The following KCNIP4 variants were observed in gnomAD, a reference collection of about 807,000 sequenced individuals.
The protein encoded by KCNIP4 is Kv channel-interacting protein 4.
KCNIP4 carries 12 observed loss-of-function variants against 34.0 expected under a neutral mutation model. The ratio of observed to expected loss-of-function variants is 0.35; its 90% CI spans 0.23 to 0.57. The LOEUF (loss-of-function observed/expected upper bound fraction) is 0.57, where lower values mean the gene tolerates loss of function less well. Ranked by LOEUF, KCNIP4 falls within the 20% of genes least tolerant of loss-of-function variation. KCNIP4 has a pLI of 0.83. For missense variants in KCNIP4, 238 were observed against 311.7 expected (o/e 0.76, Z 1.78); for synonymous variants, 124 against 102.2 (o/e 1.21, Z -1.29).
intron 1 of KCNIP4, among the ~76,000 whole-genome samples, chr4:21,676,913 G>T (rs572145751): frequency 4.6e-4 from 70 of 150,962 alleles, no homozygotes; most frequent in South Asian, 6.3e-4. Context: ...AAAGGAAAGA[G>T]CAAAAATATC....
chr4:21,734,636 A>T, intron 1 of KCNIP4, among the ~76,000 whole-genome samples: 1 of 152,224 alleles, frequency 6.6e-6, no homozygotes, highest in East Asian at 1.9e-4. Flanking sequence ...TGCTATCTTT[A>T]AACACTTGAC....
chr4:21,516,854 T>G (rs1367037612), intron 1 of KCNIP4, among the ~76,000 whole-genome samples: 1 of 152,106 alleles, frequency 6.6e-6, no homozygotes, highest in African/African-American at 2.4e-5. Flanking sequence ...AAATTCTATC[T>G]GGGAAGAGTT....
intron 1 of KCNIP4, among the ~76,000 whole-genome samples, chr4:21,666,136 T>C (rs1156572255): frequency 6.6e-6 from 1 of 152,196 alleles, no homozygotes; most frequent in Non-Finnish European, 1.5e-5. Context: ...AGAAGTTACC[T>C]GAAAGAGAAT....
chr4:21,630,225 G>A (rs1745652687), intron 1 of KCNIP4, among the ~76,000 whole-genome samples: 1 of 151,684 alleles, frequency 6.6e-6, no homozygotes, highest in African/African-American at 2.4e-5. Context: ...CCAGCACTTT[G>A]GGAGGCCAAG....
intron 1 of KCNIP4, among the ~76,000 whole-genome samples, chr4:21,540,460 C>A (rs1209485030): frequency 6.6e-6 from 1 of 152,120 alleles, no homozygotes; most frequent in Non-Finnish European, 1.5e-5. Flanking sequence ...CAGGAGAATA[C>A]GTACAAGAGA....
intron 1 of KCNIP4, among the ~76,000 whole-genome samples, chr4:21,042,702 G>A (rs371028454): frequency 9.9e-5 from 15 of 152,114 alleles, no homozygotes; most frequent in African/African-American, 3.1e-4. Context: ...ATCTCATCAC[G>A]AAGAAATGAT....
At chr4:21,348,548 T>C (rs1410231381) in intron 1 of KCNIP4, among the ~76,000 whole-genome samples, 2 of 152,130 alleles carry the variant, frequency 1.3e-5, no homozygotes, top group African/African-American at 2.4e-5. Context: ...AGTCTCCCCC[T>C]GAAGACAACC....
chr4:20,819,498 T>TAGC (rs1716840753), intron 3 of KCNIP4, among the ~76,000 whole-genome samples: 1 of 152,100 alleles, frequency 6.6e-6, no homozygotes, highest in Non-Finnish European at 1.5e-5. Context: ...TATCTGAGAC[T>TAGC]TGGAATAATA....
At chr4:20,750,985 C>T (rs1753515456) in intron 4 of KCNIP4, among the ~76,000 whole-genome samples, 1 of 152,060 alleles carries the variant, frequency 6.6e-6, no homozygotes, top group African/African-American at 2.4e-5. Flanking sequence ...ACAGAATTGC[C>T]CTCTGAGGAG....
intron 1 of KCNIP4, among the ~76,000 whole-genome samples, chr4:21,560,095 G>A (rs1284786318): frequency 6.6e-6 from 1 of 151,906 alleles, no homozygotes; most frequent in East Asian, 1.9e-4. Context: ...TCTCCCCCTG[G>A]AGAACTAATT....
At chr4:21,699,029 A>T (rs953564187) in intron 1 of KCNIP4, among the ~76,000 whole-genome samples, 5 of 152,220 alleles carry the variant, frequency 3.3e-5, no homozygotes, top group African/African-American at 1.2e-4. Context: ...CTCATACACA[A>T]AAATCAGCAA....
chr4:21,685,489 C>T (rs747631863), intron 1 of KCNIP4, among the ~76,000 whole-genome samples: 10 of 152,112 alleles, frequency 6.6e-5, no homozygotes, highest in Non-Finnish European at 1.5e-4. Context: ...TCTACCCCAC[C>T]AAGCCACCAC....
chr4:21,626,687 A>G (rs1419325404), intron 1 of KCNIP4, among the ~76,000 whole-genome samples: 1 of 152,140 alleles, frequency 6.6e-6, no homozygotes, highest in African/African-American at 2.4e-5. Flanking sequence ...CAAGCTGTGT[A>G]GACAACCCTT....
At position 21,594,032 on chromosome 4, in the gene KCNIP4, T is replaced by C. The variant is rs141015905; in HGVS notation, c.61+354539A>G. The stretch of plus-strand genomic sequence containing the variant: ...TTGGGGCCTGCATGTATGTAGGAAA[T>C]GGAGCTAGGAAATGAGACTTGTGAA... On this transcript the variant is annotated intron_variant, in intron 1 of 8. Transcript: ENST00000382152. 9.3e-4 allele frequency among the ~76,000 whole-genome samples: 142 copies of C among 152,042 alleles called. No individual in the cohort carries two copies. In the East Asian group the frequency reaches 0.026, roughly 28 times the overall value.
At chr4:21,088,069 G>A (rs1187500520) in intron 1 of KCNIP4, among the ~76,000 whole-genome samples, 1 of 152,074 alleles carries the variant, frequency 6.6e-6, no homozygotes, top group Non-Finnish European at 1.5e-5. Context: ...AATGTGTACT[G>A]AGATGTCTCA....
intron 1 of KCNIP4, among the ~76,000 whole-genome samples, chr4:21,109,381 C>T (rs1748928363): frequency 6.6e-6 from 1 of 152,252 alleles, no homozygotes; most frequent in African/African-American, 2.4e-5. Flanking sequence ...CAGTGAGACT[C>T]CTTGGGTGTA....
At chr4:21,832,802 CA>C (rs1424613012) in intron 1 of KCNIP4, among the ~76,000 whole-genome samples, 47 of 144,118 alleles carry the variant, frequency 3.3e-4, no homozygotes, top group African/African-American at 1.1e-3. Context: ...CATGGGTTCT[CA>C]TTGTTCAATT....
intron 1 of KCNIP4, among the ~76,000 whole-genome samples, chr4:21,066,335 T>C (rs554453253): frequency 3.9e-5 from 6 of 152,224 alleles, no homozygotes; most frequent in African/African-American, 1.2e-4. Flanking sequence ...CCAGCAATTA[T>C]CTCTCTTCTG....
chr4:20,934,702 A>C (rs1730865288), intron 1 of KCNIP4, among the ~76,000 whole-genome samples: 1 of 152,252 alleles, frequency 6.6e-6, no homozygotes. Flanking sequence ...ATAAACAAAA[A>C]ATAAGTAAAA....
Sources: gnomAD v4.1 joint callset for allele counts (sites outside exome capture counted in the v4.1 genomes callset) on GRCh38, gnomAD v4.1.1 for gene constraint, MANE v1.5 for transcripts, NCBI Gene and HGNC (gene_info 2026-07-23, HGNC 2026-07-21) for gene names.